The following FHIT variants were observed in gnomAD, a reference collection of about 807,000 sequenced individuals.
FHIT encodes the protein fragile histidine triad diadenosine triphosphatase.
Under a neutral mutation model 17.9 loss-of-function variants are expected in FHIT, and 19 were observed. That is an observed-to-expected ratio of 1.06 (90% CI 0.74 to 1.56). The LOEUF (loss-of-function observed/expected upper bound fraction) is 1.56. Among genes scored for constraint, FHIT ranks in the 40% most tolerant of loss-of-function variants. The pLI is 0.00. For missense variants in FHIT, 248 were observed against 189.2 expected (o/e 1.31, Z -1.82); for synonymous variants, 81 against 69.7 (o/e 1.16, Z -0.81).
At chr3:60,025,520 A>G (rs960603242) in intron 5 of FHIT, among the ~76,000 whole-genome samples, 3 of 148,984 alleles carry the variant, frequency 2.0e-5, no homozygotes, top group African/African-American at 7.5e-5. Flanking sequence ...AATGTGCCAT[A>G]ATTCACAAGC....
chr3:59,795,854 A>T (rs1045797358), intron 8 of FHIT, among the ~76,000 whole-genome samples: 4 of 152,226 alleles, frequency 2.6e-5, no homozygotes, highest in African/African-American at 4.8e-5. Flanking sequence ...GCCTCCCCTT[A>T]TTAGTTCAGA....
At chr3:60,905,954 A>T (rs782159107) in intron 3 of FHIT, among the ~76,000 whole-genome samples, 1 of 152,160 alleles carries the variant, frequency 6.6e-6, no homozygotes, top group Non-Finnish European at 1.5e-5. Context: ...GTAAGTTTTG[A>T]CTTGAACCAT....
intron 8 of FHIT, among the ~76,000 whole-genome samples, chr3:59,776,938 G>C (rs992498891): frequency 6.6e-6 from 1 of 152,076 alleles, no homozygotes; most frequent in Non-Finnish European, 1.5e-5. Flanking sequence ...TATAACTCCT[G>C]TTCCATGTTC....
At chr3:60,671,199 G>A (rs1484029225) in intron 4 of FHIT, among the ~76,000 whole-genome samples, 1 of 152,096 alleles carries the variant, frequency 6.6e-6, no homozygotes, top group Non-Finnish European at 1.5e-5. Flanking sequence ...CTTGATAAAA[G>A]CTTTCAAAAT....
intron 4 of FHIT, among the ~76,000 whole-genome samples, chr3:60,624,752 A>C (rs1483685163): frequency 6.6e-6 from 1 of 152,094 alleles, no homozygotes; most frequent in Non-Finnish European, 1.5e-5. Flanking sequence ...GGCTTCTTTC[A>C]CTTACTGTAA....
At chr3:60,436,984 ATAAAG>A (rs202218819) in intron 5 of FHIT, among the ~76,000 whole-genome samples, 27 of 152,272 alleles carry the variant, frequency 1.8e-4, no homozygotes, top group East Asian at 9.7e-4. Flanking sequence ...CCAAGTATAA[ATAAAG>A]TAAAGAACAG....
intron 3 of FHIT, among the ~76,000 whole-genome samples, chr3:61,034,257 G>C (rs1016865181): frequency 2.0e-5 from 3 of 152,108 alleles, no homozygotes; most frequent in African/African-American, 7.2e-5. Context: ...AGAAAAAATA[G>C]ATAAGTGGTA....
intron 8 of FHIT, among the ~76,000 whole-genome samples, chr3:59,760,347 C>A (rs1629023): frequency 0.74 from 112,761 of 152,034 alleles, 42,554 homozygotes; most frequent in East Asian, 0.87. Flanking sequence ...CTATAACAGA[C>A]CCCAATTGCT....
chr3:59,965,422 A>G (rs1298391661), intron 7 of FHIT, among the ~76,000 whole-genome samples: 2 of 152,184 alleles, frequency 1.3e-5, no homozygotes, highest in Non-Finnish European at 2.9e-5. Context: ...CTTTAAGAAA[A>G]TATTATTTAA....
At chr3:59,871,988 T>C (rs1370792889) in intron 8 of FHIT, among the ~76,000 whole-genome samples, 2 of 152,158 alleles carry the variant, frequency 1.3e-5, no homozygotes, top group African/African-American at 2.4e-5. Context: ...AAAACCAAGG[T>C]GATACAAAGT....
chr3:60,047,954 C>G (rs1353756763), intron 5 of FHIT, among the ~76,000 whole-genome samples: 6 of 152,150 alleles, frequency 3.9e-5, no homozygotes, highest in Admixed American at 3.9e-4. Flanking sequence ...GCTTAAACAG[C>G]AGAAATTTTT....
chr3:60,508,928 C>T (rs1022179397), intron 5 of FHIT, among the ~76,000 whole-genome samples: 6 of 152,062 alleles, frequency 3.9e-5, no homozygotes, highest in Admixed American at 6.6e-5. Context: ...GAAGTAAAGA[C>T]GAACGTGATA....
At chr3:60,484,117 CAG>C (rs1553631503) in intron 5 of FHIT, among the ~76,000 whole-genome samples, 7 of 152,042 alleles carry the variant, frequency 4.6e-5, no homozygotes, top group African/African-American at 1.4e-4. Context: ...AAACAGCTAA[CAG>C]GGGATGTGAA....
intron 4 of FHIT, among the ~76,000 whole-genome samples, chr3:60,706,099 T>C (rs1553703485): frequency 6.6e-6 from 1 of 152,056 alleles, no homozygotes; most frequent in Non-Finnish European, 1.5e-5. Context: ...CGGCACTACA[T>C]GGATGAAGCT....
chr3:60,577,289 T>C (rs2037602583), intron 4 of FHIT, among the ~76,000 whole-genome samples: 2 of 152,098 alleles, frequency 1.3e-5, no homozygotes, highest in African/African-American at 4.8e-5. Context: ...ACCAAGAACA[T>C]AGGCTTTCCA....
intron 3 of FHIT, among the ~76,000 whole-genome samples, chr3:60,891,594 G>A (rs938552551): frequency 6.6e-6 from 1 of 152,072 alleles, no homozygotes; most frequent in South Asian, 2.1e-4. Flanking sequence ...GAAGTCATAC[G>A]TGTCTATATT....
chr3:59,838,250 T>C (rs1701409031), intron 8 of FHIT, among the ~76,000 whole-genome samples: 1 of 152,162 alleles, frequency 6.6e-6, no homozygotes, highest in Admixed American at 6.5e-5. Context: ...CTGCCCTCAA[T>C]GCCCAGACAA....
intron 3 of FHIT, among the ~76,000 whole-genome samples, chr3:60,831,479 G>C (rs1553742504): frequency 6.6e-6 from 1 of 152,094 alleles, no homozygotes; most frequent in Non-Finnish European, 1.5e-5. Context: ...TAGAAATGTA[G>C]ACTCTAAAAG....
intron 5 of FHIT, among the ~76,000 whole-genome samples, chr3:60,142,061 C>T (rs1418192042): frequency 1.3e-5 from 2 of 152,146 alleles, no homozygotes; most frequent in Admixed American, 1.3e-4. Flanking sequence ...ATCAAGGACA[C>T]AAGAAAAGAG....
Sources: gnomAD v4.1 joint callset for allele counts (sites outside exome capture counted in the v4.1 genomes callset) on GRCh38, gnomAD v4.1.1 for gene constraint, MANE v1.5 for transcripts, NCBI Gene and HGNC (gene_info 2026-07-23, HGNC 2026-07-21) for gene names.